The following BARD1 variants were observed in gnomAD, a reference collection of about 807,000 sequenced individuals.
The protein encoded by BARD1 is BRCA1 associated RING domain 1, also known as BRCA1-associated RING domain protein 1.
In BARD1, 73 loss-of-function variants were observed where a neutral mutation model predicts 77.0. That is an observed-to-expected ratio of 0.95 (90% CI 0.79 to 1.15). The LOEUF is 1.15. Among genes scored for constraint, BARD1 ranks in the 50% most tolerant of loss-of-function variants. BARD1 has a pLI of 0.00. For missense variants in BARD1, 993 were observed against 938.8 expected, an observed-to-expected ratio of 1.06 and a Z score of -0.75; for synonymous variants, 384 against 338.0, an observed-to-expected ratio of 1.14 and a Z score of -1.49.
chr2:214,762,330 A>T (rs1487209413), intron 6 of BARD1, among the ~76,000 whole-genome samples: 1 of 152,216 alleles, frequency 6.6e-6, no homozygotes, highest in Non-Finnish European at 1.5e-5. Flanking sequence ...ATCTGAAAGA[A>T]ATCCCAAATA....
intron 3 of BARD1, among the ~76,000 whole-genome samples, chr2:214,784,756 C>T (rs1695193891): frequency 6.6e-6 from 1 of 152,108 alleles, no homozygotes; most frequent in Non-Finnish European, 1.5e-5. Context: ...AACCATCATT[C>T]TCAGCAAACT....
intron 3 of BARD1, among the ~76,000 whole-genome samples, chr2:214,784,004 A>G (rs1414953549): frequency 6.6e-6 from 1 of 152,186 alleles, no homozygotes; most frequent in East Asian, 1.9e-4. Flanking sequence ...CTTTTACTGC[A>G]ATGGCAGTAA....
At chr2:214,797,180 A>T in intron 1 of BARD1, 63 bp from the exon 2 acceptor site, 1 of 1,292,660 alleles carries the variant, frequency 7.7e-7, no homozygotes, top group Non-Finnish European at 1.1e-6. Flanking sequence ...CTCACACCCA[A>T]TATTTCATCC....
At chr2:214,776,760 T>G (rs1198550000) in intron 4 of BARD1, among the ~76,000 whole-genome samples, 6 of 152,134 alleles carry the variant, frequency 3.9e-5, no homozygotes, top group African/African-American at 7.2e-5. Context: ...GACACTGCAG[T>G]GTAATTAAGT....
At chr2:214,787,671 AT>A (rs1365314630) in intron 3 of BARD1, among the ~76,000 whole-genome samples, 1 of 151,950 alleles carries the variant, frequency 6.6e-6, no homozygotes, top group Non-Finnish European at 1.5e-5. Context: ...CATTCTCTGA[AT>A]TTCAGAGTAC....
At chr2:214,795,529 A>G (rs79755801) in intron 2 of BARD1, among the ~76,000 whole-genome samples, 4 of 152,112 alleles carry the variant, frequency 2.6e-5, no homozygotes, top group South Asian at 2.1e-4. Flanking sequence ...TTCAAAGATC[A>G]CTGTCAAGAA....
intron 2 of BARD1, 37 bp downstream of exon 2, chr2:214,797,024 A>C (rs1398800580): frequency 3.4e-6 from 5 of 1,486,046 alleles, no homozygotes; most frequent in Non-Finnish European, 4.7e-6. Flanking sequence ...AGTAAAAAAT[A>C]CAGTTGTACT....
At chr2:214,764,704 C>T (rs75552288) in intron 6 of BARD1, among the ~76,000 whole-genome samples, 10,447 of 152,162 alleles carry the variant, frequency 0.069, 410 homozygotes, top group African/African-American at 0.1. Flanking sequence ...AAATAAATGA[C>T]TTGGCCAGAC....
chr2:214,733,263 G>A (rs1692435123), intron 9 of BARD1, among the ~76,000 whole-genome samples: 1 of 152,098 alleles, frequency 6.6e-6, no homozygotes, highest in Non-Finnish European at 1.5e-5. Flanking sequence ...ATTCAATTTT[G>A]TTTTGGATTT....
chr2:214,761,691 A>G (rs987703403), intron 6 of BARD1, among the ~76,000 whole-genome samples: 2 of 152,116 alleles, frequency 1.3e-5, no homozygotes, highest in Non-Finnish European at 2.9e-5. Flanking sequence ...AAATCATTCA[A>G]TAAAATAAAA....
chr2:214,751,403 T>A (rs1693446009), intron 7 of BARD1, among the ~76,000 whole-genome samples: 2 of 151,466 alleles, frequency 1.3e-5, no homozygotes, highest in Admixed American at 1.3e-4. Context: ...CCTCAAGTGA[T>A]CCACCCGCCC....
At chr2:214,792,228 C>A in intron 3 of BARD1, 69 bp downstream of exon 3, 1 of 1,401,042 alleles carries the variant, frequency 7.1e-7, no homozygotes, top group Non-Finnish European at 9.9e-7. Context: ...GTTTTATATA[C>A]TTTATGAATA....
At chr2:214,802,535 T>G (rs953978495) in intron 1 of BARD1, among the ~76,000 whole-genome samples, 4 of 152,202 alleles carry the variant, frequency 2.6e-5, no homozygotes, top group Non-Finnish European at 5.9e-5. Context: ...TGTCTTGAAA[T>G]TAGACTCCAG....
At chr2:214,771,192 C>A (rs4673897) in intron 4 of BARD1, among the ~76,000 whole-genome samples, 150,977 of 152,274 alleles carry the variant, frequency 0.99, 74,857 homozygotes, top group Middle Eastern at 1. Context: ...AAGTCCATGA[C>A]GATAAAGCAA....
chr2:214,735,337 G>A (rs1330275807), intron 9 of BARD1, among the ~76,000 whole-genome samples: 1 of 152,144 alleles, frequency 6.6e-6, no homozygotes, highest in Non-Finnish European at 1.5e-5. Flanking sequence ...TTTACAGCGT[G>A]AGAGCTGAAA....
intron 6 of BARD1, among the ~76,000 whole-genome samples, chr2:214,763,056 T>C (rs1694033955): frequency 6.6e-6 from 1 of 152,164 alleles, no homozygotes; most frequent in African/African-American, 2.4e-5. Context: ...CCTGCCCATC[T>C]TCTCTGGCCT....
At chr2:214,750,259 A>C (rs1174766000) in intron 7 of BARD1, among the ~76,000 whole-genome samples, 1 of 152,048 alleles carries the variant, frequency 6.6e-6, no homozygotes, top group Non-Finnish European at 1.5e-5. Context: ...GCAGCCTCCC[A>C]ATCAGCCTTC....
chr2:214,792,148 T>C, intron 3 of BARD1, 149 bp downstream of exon 3: 2 of 797,970 alleles, frequency 2.5e-6, no homozygotes, highest in Non-Finnish European at 3.7e-6. Flanking sequence ...TCAATGGCTA[T>C]TTAAAAAAAA....
At chr2:214,748,087 A>C (rs551308989) in intron 7 of BARD1, among the ~76,000 whole-genome samples, 2 of 152,158 alleles carry the variant, frequency 1.3e-5, no homozygotes, top group Non-Finnish European at 2.9e-5. Context: ...ACAAAACACA[A>C]GAGTGAAAAA....
Sources: gnomAD v4.1 joint callset for allele counts (sites outside exome capture counted in the v4.1 genomes callset) on GRCh38, gnomAD v4.1.1 for gene constraint, MANE v1.5 for transcripts, NCBI Gene and HGNC (gene_info 2026-07-23, HGNC 2026-07-21) for gene names.